Variants in SLC37A1 observed in about 807,000 individuals in gnomAD.
SLC37A1 encodes glucose-6-phosphate exchanger SLC37A1.
Under a neutral mutation model 75.3 loss-of-function variants are expected in SLC37A1, and 49 were observed. That is an observed-to-expected ratio of 0.65 (90% confidence interval 0.52 to 0.83). The LOEUF (loss-of-function observed/expected upper bound fraction) is 0.83, where lower values mean the gene tolerates loss of function less well. SLC37A1 is among the 40% of genes least tolerant of loss of function. The pLI is 0.00. For synonymous variants in SLC37A1, 268 were observed against 292.1 expected, an observed-to-expected ratio of 0.92 and a Z score of 0.84; for missense variants, 566 against 695.0, an observed-to-expected ratio of 0.81 and a Z score of 2.09.
upstream of SLC37A1, among the ~76,000 whole-genome samples, chr21:42,510,545 G>T (rs1220823287): frequency 6.6e-6 from 1 of 151,582 alleles, no homozygotes; most frequent in Admixed American, 6.6e-5. Flanking sequence ...TAATGTAAAT[G>T]GATTAAATTC....
chr21:42,514,788 G>C lies in SLC37A1; in HGVS notation c.-179+71G>C, dbSNP rs1195165816. ...AAGCCCCTTACCACCCCCACTCCCC[G>C]CTAACACCCCAGCCCGCGGCCCCAG... On this transcript the variant is annotated intron_variant, in intron 1 of 19. Coordinates refer to ENST00000352133, the MANE Select transcript of SLC37A1 (RefSeq NM_001320537.2). This position sits in a 1 kb window ranked among gnomAD's most constrained non-coding sequence, Gnocchi z 4.8. 1.3e-5 allele frequency: 2 copies of C among 152,206 alleles called. No homozygotes were observed. The highest frequency in any genetic ancestry group is 2.9e-5 in the Non-Finnish European group (2 of 68,194). 9.4% of individuals were successfully genotyped at this position (152,206 alleles called of 1,614,324 possible).
At chr21:42,559,892 C>CA (rs1306323145) in intron 11 of SLC37A1, among the ~76,000 whole-genome samples, 13 of 147,098 alleles carry the variant, frequency 8.8e-5, no homozygotes, top group Non-Finnish European at 1.6e-4. Flanking sequence ...AAAAAAAAAC[C>CA]CAAAAAGTGC....
At chr21:42,544,227 C>T (rs1401504380) in intron 8 of SLC37A1, among the ~76,000 whole-genome samples, 1 of 152,176 alleles carries the variant, frequency 6.6e-6, no homozygotes, top group Non-Finnish European at 1.5e-5. Flanking sequence ...TCGAATCCCG[C>T]AAGCCATTCT....
intron 9 of SLC37A1, 150 bp from the exon 10 acceptor site, chr21:42,553,912 G>A (rs1013197103): frequency 1.4e-4 from 77 of 532,560 alleles, no homozygotes; most frequent in Admixed American, 1.4e-4. Flanking sequence ...GGAGTGTTGA[G>A]ATCAACCATT....
intron 5 of SLC37A1, among the ~76,000 whole-genome samples, 154 bp from the exon 6 acceptor site, chr21:42,539,358 A>G (rs967923644): frequency 2.0e-5 from 3 of 152,230 alleles, no homozygotes; most frequent in African/African-American, 7.2e-5. Flanking sequence ...CCATAGGGAA[A>G]TAAGTGTATG....
At chr21:42,560,472 G>A (rs929990333) in intron 11 of SLC37A1, 13 of 152,476 alleles carry the variant, frequency 8.5e-5, no homozygotes, top group African/African-American at 3.1e-4. Context: ...AGAGGGCCAG[G>A]GGCACAGGCC....
At chr21:42,507,272 A>G (rs542889103) in intron 2 of SLC37A1, among the ~76,000 whole-genome samples, 1 of 144,050 alleles carries the variant, frequency 6.9e-6, no homozygotes, top group South Asian at 2.2e-4. Context: ...CTTAACCATA[A>G]GAGTTAAAAC....
At chr21:42,515,946 A>C (rs2054514203) in intron 1 of SLC37A1, among the ~76,000 whole-genome samples, 1 of 151,922 alleles carries the variant, frequency 6.6e-6, no homozygotes, top group African/African-American at 2.4e-5. Flanking sequence ...TTTGGTAGAG[A>C]TGGGATTTTG....
chr21:42,570,127 C>T (rs113745129), intron 17 of SLC37A1, among the ~76,000 whole-genome samples: 1,519 of 42,132 alleles, frequency 0.036, 185 homozygotes, highest in African/African-American at 0.048. Flanking sequence ...GTGGCTGTTG[C>T]CATGTGACAC....
At chr21:42,571,482 A>G (rs1261621074) in intron 17 of SLC37A1, among the ~76,000 whole-genome samples, 1 of 152,180 alleles carries the variant, frequency 6.6e-6, no homozygotes, top group Non-Finnish European at 1.5e-5. Flanking sequence ...CTTAGAAGCT[A>G]GACAGTCCTA....
At chr21:42,527,741 T>C (rs2054836122) in intron 3 of SLC37A1, among the ~76,000 whole-genome samples, 1 of 152,112 alleles carries the variant, frequency 6.6e-6, no homozygotes, top group South Asian at 2.1e-4. Flanking sequence ...CTGAGTACAG[T>C]CCCAGCATCA....
intron 17 of SLC37A1, 87 bp downstream of exon 17, chr21:42,568,525 C>A: frequency 2.3e-6 from 3 of 1,291,646 alleles, no homozygotes; most frequent in Non-Finnish European, 3.3e-6. Context: ...CCCAGGGTTC[C>A]AACTGCATCT....
chr21:42,569,462 C>T (rs969688238), intron 17 of SLC37A1, among the ~76,000 whole-genome samples: 1 of 152,014 alleles, frequency 6.6e-6, no homozygotes, highest in African/African-American at 2.4e-5. Flanking sequence ...CACCCCGTGC[C>T]TGGGAAGGTC....
chr21:42,567,488 A>G (rs536472907), intron 16 of SLC37A1, among the ~76,000 whole-genome samples: 2 of 152,220 alleles, frequency 1.3e-5, no homozygotes, highest in African/African-American at 4.8e-5. Context: ...GTGCGTGAGC[A>G]TGCAGACTTG....
intron 10 of SLC37A1, 109 bp downstream of exon 10, chr21:42,554,251 TCC>T: frequency 3.2e-6 from 3 of 927,650 alleles, no homozygotes; most frequent in Non-Finnish European, 4.8e-6. Context: ...GTCACAAACA[TCC>T]AGGTCTTAAA....
intron 6 of SLC37A1, among the ~76,000 whole-genome samples, chr21:42,540,410 C>T (rs1404919380): frequency 6.6e-6 from 1 of 151,982 alleles, no homozygotes; most frequent in Non-Finnish European, 1.5e-5. Flanking sequence ...CTGGTTGGGT[C>T]ACAGTGAGAG....
chr21:42,561,375 C>T (rs1026153769), intron 11 of SLC37A1: 10 of 153,790 alleles, frequency 6.5e-5, no homozygotes, highest in African/African-American at 2.4e-4. Context: ...GATTTCCTCA[C>T]TCATACCTAC....
rs2054933284 is a variant in SLC37A1, at chr21:42,530,643, CA to C, written c.139-4054del. On this transcript the variant is annotated intron_variant, in intron 3 of 19. Transcript: ENST00000352133. ...ACACACACACACACACACACACACA[CA>C]CACACACACACCCCCTCTGTGTTGG... Among the ~76,000 whole-genome samples the C allele has an allele frequency of 1.9e-3, 59 of 31,796 alleles. 1 individual carries two copies. The highest frequency in any genetic ancestry group is 0.01 in the Middle Eastern group (1 of 100). 20.9% of individuals were successfully genotyped at this position (31,796 alleles called of 152,430 possible).
intron 5 of SLC37A1, among the ~76,000 whole-genome samples, chr21:42,537,181 C>A (rs142782117): frequency 1.3e-5 from 2 of 152,132 alleles, no homozygotes; most frequent in Non-Finnish European, 2.9e-5. Context: ...CTTTATTGAA[C>A]GTGTGTATTT....
Sources: allele counts gnomAD v4.1 joint callset (sites outside exome capture counted in the v4.1 genomes callset), GRCh38; gene constraint gnomAD v4.1.1; non-coding constraint Gnocchi (gnomAD v3.1); transcripts MANE v1.5; gene names NCBI Gene and HGNC (gene_info 2026-07-23, HGNC 2026-07-21).